Variants in SCN9A observed in about 807,000 individuals in gnomAD.
SCN9A encodes sodium voltage-gated channel alpha subunit 9.
In SCN9A, 131 loss-of-function variants were observed where a neutral mutation model predicts 187.0. The observed-to-expected ratio is 0.70, with a 90% confidence interval of 0.61 to 0.81. The LOEUF (loss-of-function observed/expected upper bound fraction) is 0.81. Among genes scored for constraint, SCN9A ranks in the 30% least tolerant of loss-of-function variants. The probability of loss-of-function intolerance (pLI) is 0.00; values close to 1 mark genes in which losing one functional copy is unlikely to be tolerated. For synonymous variants in SCN9A, 809 were observed against 808.6 expected, an observed-to-expected ratio of 1.00 and a Z score of -0.01; for missense variants, 2,252 against 2,396.6, an observed-to-expected ratio of 0.94 and a Z score of 1.26.
At chr2:166,206,623 T>A (rs1208696544) in intron 24 of SCN9A, among the ~76,000 whole-genome samples, 1 of 152,144 alleles carries the variant, frequency 6.6e-6, no homozygotes, top group Non-Finnish European at 1.5e-5. Context: ...GTAACAAACC[T>A]GCATGTTTTG....
intron 24 of SCN9A, among the ~76,000 whole-genome samples, chr2:166,205,700 G>T (rs1693766447): frequency 6.6e-6 from 1 of 152,066 alleles, no homozygotes; most frequent in African/African-American, 2.4e-5. Flanking sequence ...CAAAGCAAAA[G>T]AAACTATCAT....
At chr2:166,288,968 G>A (rs780313642) in intron 9 of SCN9A, among the ~76,000 whole-genome samples, 9 of 152,020 alleles carry the variant, frequency 5.9e-5, no homozygotes, top group Non-Finnish European at 1.0e-4. Flanking sequence ...TTAGGAACAG[G>A]TGATATCCAT....
At chr2:166,231,257 C>A (rs1695071173) in intron 21 of SCN9A, among the ~76,000 whole-genome samples, 1 of 152,194 alleles carries the variant, frequency 6.6e-6, no homozygotes. Flanking sequence ...TACCACCTTT[C>A]TGCACAAAAT....
intron 5 of SCN9A, among the ~76,000 whole-genome samples, chr2:166,304,929 A>C (rs62178525): frequency 0.22 from 33,855 of 152,062 alleles, 4,189 homozygotes; most frequent in East Asian, 0.36. Flanking sequence ...GAATTGTACC[A>C]ATAGGAAAAA....
chr2:166,337,410 CT>C lies in SCN9A; in HGVS notation c.-50-25605del, dbSNP rs763179120. 3.9e-5 allele frequency among the ~76,000 whole-genome samples: 6 copies of C among 151,994 alleles called. No homozygotes were observed. The South Asian group carries it at 1.2e-3, about 32-fold the overall frequency. ...AGTAGCTAACCATGTTACTCTGGAA[CT>C]TAAAATGGGAGGCTGGGTTGGAAAT... On this transcript the variant is annotated intron_variant, in intron 1 of 26. Transcript: ENST00000642356.
chr2:166,304,178 A>C (rs1379011381), intron 6 of SCN9A, 60 bp downstream of exon 6: 12 of 1,610,878 alleles, frequency 7.4e-6, no homozygotes, highest in Non-Finnish European at 1.0e-5. Context: ...CGAACAAAGA[A>C]CAACTCCCAA....
At chr2:166,225,845 G>T (rs1694822544) in intron 24 of SCN9A, among the ~76,000 whole-genome samples, 1 of 152,060 alleles carries the variant, frequency 6.6e-6, no homozygotes, top group South Asian at 2.1e-4. Context: ...AAACACCTGG[G>T]CTACCAGAAG....
intron 21 of SCN9A, among the ~76,000 whole-genome samples, chr2:166,231,292 G>C (rs948000218): frequency 1.3e-5 from 2 of 152,256 alleles, no homozygotes; most frequent in East Asian, 3.9e-4. Flanking sequence ...TCAACTTGTA[G>C]ATAGAATATT....
At chr2:166,234,140 A>G (rs1035618306) in intron 20 of SCN9A, among the ~76,000 whole-genome samples, 1 of 151,988 alleles carries the variant, frequency 6.6e-6, no homozygotes, top group Non-Finnish European at 1.5e-5. Flanking sequence ...AATTACCATA[A>G]CCAGTATCCA....
At chr2:166,355,124 C>T (rs1700122013) in intron 1 of SCN9A, among the ~76,000 whole-genome samples, 1 of 151,308 alleles carries the variant, frequency 6.6e-6, no homozygotes, top group Admixed American at 6.6e-5. Flanking sequence ...TTAATGGAGT[C>T]TCTCTCTGTC....
Position 166,199,253 on chromosome 2 carries a change from A to T in SCN9A, c.5386T>A (p.Phe1796Ile), listed in dbSNP as rs768621572. ...WEKFDPDATQFIEFSKLSDFA... is the reference protein window; with the variant it reads ...WEKFDPDATQIIEFSKLSDFA... ...TCAGAGAGTTTAGAGAACTCTATAA[A>T]CTGGGTCGCATCGGGATCAAACTTC... The change falls in exon 27 of 27, where the codon TTT becomes ATT. Residue 1796 changes from phenylalanine (F) to isoleucine (I), a missense_variant. By Grantham distance (21) the Phe-to-Ile change is conservative. Around this residue, in one of 7 missense-constraint regions of SCN9A, gnomAD observed 345 missense variants for 344.6 expected, o/e 1.00. Coordinates refer to ENST00000642356, the MANE Select transcript of SCN9A (RefSeq NM_001365536.1). The T allele has an allele frequency of 6.2e-7, 1 of 1,614,140 alleles. No homozygotes were observed. Among genetic ancestry groups the T allele is most frequent in the Non-Finnish European group, 8.5e-7 (1 of 1,180,038 alleles).
Position 166,272,589 on chromosome 2 carries a change from T to C in SCN9A, c.3161A>G (p.Lys1054Arg), listed in dbSNP as rs1349456834. 2 of 1,613,488 alleles carry C rather than the reference T, an allele frequency of 1.2e-6. No individual in the cohort carries two copies. Residue 1054 changes from lysine (K) to arginine (R), a missense_variant, in exon 17 of 27, where the codon AAG (lysine) becomes AGG (arginine). Around this residue, in one of 7 missense-constraint regions of SCN9A, gnomAD observed 313 missense variants for 295.3 expected, o/e 1.06. Coordinates refer to ENST00000642356, the MANE Select transcript of SCN9A (RefSeq NM_001365536.1). ...AEMSKGHNFL[K>R]EKDKISGFGS... ...AAAACCACTGATTTTATCTTTTTCC[T>C]TGAGGAAATTGTGACCTTTGCTCAT...
At chr2:166,316,116 A>G (rs1050448644) in intron 1 of SCN9A, among the ~76,000 whole-genome samples, 1 of 152,234 alleles carries the variant, frequency 6.6e-6, no homozygotes, top group Non-Finnish European at 1.5e-5. Flanking sequence ...AAATAAAAAA[A>G]GTACAATACA....
chr2:166,368,081 T>A (rs1700461934), intron 1 of SCN9A, among the ~76,000 whole-genome samples: 1 of 152,226 alleles, frequency 6.6e-6, no homozygotes, highest in South Asian at 2.1e-4. Context: ...ATATATAAGA[T>A]TTCTTTCCTA....
chr2:166,315,095 A>G (rs1174410156), intron 1 of SCN9A, among the ~76,000 whole-genome samples: 1 of 152,214 alleles, frequency 6.6e-6, no homozygotes, highest in Non-Finnish European at 1.5e-5. Context: ...AATCAAATCA[A>G]AGCAGTTGCC....
At chr2:166,351,854 T>C (rs565186443) in intron 1 of SCN9A, among the ~76,000 whole-genome samples, 1 of 152,068 alleles carries the variant, frequency 6.6e-6, no homozygotes, top group South Asian at 2.1e-4. Context: ...ATGAAGCTCA[T>C]CATCATCAAC....
chr2:166,326,480 G>C (rs1699366311), intron 1 of SCN9A, among the ~76,000 whole-genome samples: 1 of 152,142 alleles, frequency 6.6e-6, no homozygotes, highest in South Asian at 2.1e-4. Flanking sequence ...TTATAAATTT[G>C]ATTCAATCCT....
intron 1 of SCN9A, among the ~76,000 whole-genome samples, chr2:166,335,054 A>G (rs1361895831): frequency 6.6e-6 from 1 of 152,178 alleles, no homozygotes; most frequent in Admixed American, 6.6e-5. Flanking sequence ...CTGCACAAAG[A>G]GCTTCAAAAG....
At chr2:166,207,230 C>T (rs1395259435) in intron 24 of SCN9A, among the ~76,000 whole-genome samples, 1 of 152,098 alleles carries the variant, frequency 6.6e-6, no homozygotes, top group Non-Finnish European at 1.5e-5. Context: ...CATTACTTAA[C>T]TTGTAGGGTG....
Sources: gnomAD v4.1 joint callset for allele counts (sites outside exome capture counted in the v4.1 genomes callset) on GRCh38, gnomAD v4.1.1 for gene constraint, gnomAD v4.1.1 regional missense constraint, MANE v1.5 for transcripts, NCBI Gene and HGNC (gene_info 2026-07-23, HGNC 2026-07-21) for gene names.